STS: variants seen among roughly 807,000 people sequenced by gnomAD.
The protein encoded by STS is steroid sulfatase, also known as steryl-sulfatase.
STS carries 7 observed loss-of-function variants against 26.8 expected under a neutral mutation model. The observed-to-expected ratio is 0.26, with a 90% CI of 0.15 to 0.49. The LOEUF is 0.49. Ranked by LOEUF, STS falls within the 20% of genes least tolerant of loss-of-function variation. The pLI, the probability that STS is intolerant of heterozygous loss-of-function variation, is 0.98. For synonymous variants in STS, 199 were observed against 189.4 expected, an observed-to-expected ratio of 1.05 and a Z score of -0.42; for missense variants, 434 against 465.6, an observed-to-expected ratio of 0.93 and a Z score of 0.63.
At chrX:7,313,473 AT>A (rs1281390032) in intron 8 of STS, among the ~76,000 whole-genome samples, 3 of 112,275 alleles carry the variant, frequency 2.7e-5, no homozygotes, top group Non-Finnish European at 5.6e-5. Context: ...ACTCTGGTAG[AT>A]TATTACAAGG....
intron 1 of STS, among the ~76,000 whole-genome samples, chrX:7,188,377 A>G (rs1470876315): frequency 9.0e-6 from 1 of 111,532 alleles, no homozygotes; most frequent in African/African-American, 3.3e-5. Context: ...GCATTGTAAG[A>G]TATTTACCAG....
chrX:7,316,838 T>C (rs775413962), intron 8 of STS, among the ~76,000 whole-genome samples: 1 of 112,025 alleles, frequency 8.9e-6, no homozygotes, highest in Non-Finnish European at 1.9e-5. Context: ...CCGTGAATTA[T>C]CATCACACAC....
chrX:7,229,580 G>GT (rs1347442436), intron 2 of STS, among the ~76,000 whole-genome samples: 8 of 110,398 alleles, frequency 7.2e-5, no homozygotes, highest in Non-Finnish European at 9.5e-5. Flanking sequence ...CTCACTCTGA[G>GT]TTTTTTTTGC....
At chrX:7,308,486 A>G (rs1007543788) in intron 8 of STS, among the ~76,000 whole-genome samples, 1 of 111,625 alleles carries the variant, frequency 9.0e-6, no homozygotes, top group Non-Finnish European at 1.9e-5. Context: ...CAGATAGTTC[A>G]CCAGGGTTCA....
intron 6 of STS, among the ~76,000 whole-genome samples, chrX:7,274,627 C>G (rs918305232): frequency 1.3e-4 from 14 of 111,919 alleles, no homozygotes; most frequent in Non-Finnish European, 1.7e-4. Context: ...CAACATCGCT[C>G]ACAGCCCATT....
rs765077760 is a variant in STS, at chrX:7,353,304, A to G, written c.*3043A>G. 8.1e-5 allele frequency: 9 copies of G among 111,134 alleles called. No homozygotes were observed. Among genetic ancestry groups the G allele is most frequent in the African/African-American group, 2.9e-4 (9 of 30,622 alleles). The allele number at this position is 111,134 out of a possible 1,213,427, so 9.2% of individuals were successfully genotyped here. A position where few individuals can be genotyped will look rare whatever the true frequency, so the allele number is the denominator to read the frequency against. ...AAGGCCCGATTATTACCCATAAGGC[A>G]CACTCTCTAAGGCCTTTTAAGGGGC... On this transcript the variant is annotated 3_prime_UTR_variant, in exon 11 of 11. Coordinates refer to ENST00000674429, the MANE Select transcript of STS (RefSeq NM_001320752.2).
intron 1 of STS, among the ~76,000 whole-genome samples, chrX:7,151,056 T>C (rs1341019112): frequency 8.9e-6 from 1 of 112,601 alleles, no homozygotes; most frequent in Non-Finnish European, 1.9e-5. Context: ...ACATTATCAA[T>C]GGGACAAATA....
chrX:7,257,965 T>C (rs1190324815), intron 5 of STS, among the ~76,000 whole-genome samples: 2 of 110,485 alleles, frequency 1.8e-5, no homozygotes, highest in East Asian at 5.7e-4. Context: ...AATAGCTAGC[T>C]AGCTAGATAG....
intron 10 of STS, among the ~76,000 whole-genome samples, chrX:7,349,315 CCTTTTTTTTTTTTT>C (rs1928673676): frequency 2.5e-4 from 5 of 20,287 alleles, no homozygotes; most frequent in East Asian, 1.8e-3. Flanking sequence ...TCATTTAATT[CCTTTTTTTTTTTTT>C]TTTTTTTTTT....
chrX:7,271,954 T>C (rs1924294022), intron 6 of STS, among the ~76,000 whole-genome samples: 1 of 110,035 alleles, frequency 9.1e-6, no homozygotes, highest in Admixed American at 9.8e-5. Flanking sequence ...GTGCTAATTT[T>C]CTCTTTCAAA....
At chrX:7,204,091 G>GT (rs1390535591) in intron 2 of STS, among the ~76,000 whole-genome samples, 7 of 112,030 alleles carry the variant, frequency 6.2e-5, no homozygotes. Flanking sequence ...TGGACAGATT[G>GT]TTTTTCACAT....
chrX:7,217,840 T>C (rs1424609593), intron 2 of STS, among the ~76,000 whole-genome samples: 4 of 112,150 alleles, frequency 3.6e-5, no homozygotes, highest in African/African-American at 1.3e-4. Flanking sequence ...AAATATATTA[T>C]GTAAAAACAT....
At chrX:7,253,804 G>A (rs1186213020) in intron 3 of STS, among the ~76,000 whole-genome samples, 1 of 111,985 alleles carries the variant, frequency 8.9e-6, no homozygotes, top group Non-Finnish European at 1.9e-5. Flanking sequence ...CGTCAGCTAT[G>A]CAGGCTGTCT....
chrX:7,187,894 T>C (rs1271975833), intron 1 of STS, among the ~76,000 whole-genome samples: 1 of 111,677 alleles, frequency 9.0e-6, no homozygotes, highest in Non-Finnish European at 1.9e-5. Context: ...GAATTTCATT[T>C]GGAGGGGGCA....
intron 8 of STS, among the ~76,000 whole-genome samples, chrX:7,323,589 G>A (rs959187889): frequency 4.5e-5 from 5 of 111,866 alleles, no homozygotes; most frequent in Admixed American, 2.9e-4. Context: ...ATTCCATGAT[G>A]TATATGTGCC....
chrX:7,336,629 C>A (rs763123875), intron 10 of STS, among the ~76,000 whole-genome samples: 88 of 112,094 alleles, frequency 7.9e-4, no homozygotes, highest in Middle Eastern at 4.6e-3. Context: ...TAAGAATACT[C>A]CTTCTTTTTT....
rs1287033487 is a variant in STS at position 7,334,126 on chromosome X, C to T, written c.1363+19C>T. ...CAGAACAGTGAGTAAACAGACCTTT[C>T]CACGCTCCTCATGCTCCGTGCAACC... is the stretch of plus-strand genomic sequence containing the variant. On this transcript the variant is annotated intron_variant, in intron 10 of 10. Transcript: ENST00000674429. 1 of 1,211,245 alleles carries T rather than the reference C, an allele frequency of 8.3e-7. No homozygotes were observed. The highest frequency in any genetic ancestry group is 1.1e-6 in the Non-Finnish European group (1 of 895,090).
chrX:7,215,009 CG>C lies in STS; in HGVS notation c.-5+24002del, dbSNP rs1481970629. Reference sequence around the variant, plus strand: ...ATATATACGTATATATACATATATACGTATATATATATATTATATATGTATA... The same window carrying C: ...ATATATACGTATATATACATATATACTATATATATATATTATATATGTATA... On this transcript the variant is annotated intron_variant, in intron 2 of 10. Transcript: ENST00000674429. 2.0e-4 allele frequency among the ~76,000 whole-genome samples: 7 copies of C among 34,160 alleles called. No homozygotes were observed. In the East Asian group the frequency reaches 4.8e-3, roughly 23 times the overall value. The allele number at this position is 34,160 out of a possible 115,157, so 29.7% of individuals were successfully genotyped here.
intron 8 of STS, among the ~76,000 whole-genome samples, chrX:7,312,819 T>C (rs1250246169): frequency 4.5e-5 from 5 of 112,228 alleles, no homozygotes; most frequent in African/African-American, 1.6e-4. Context: ...TTCATAGAAG[T>C]ATGAAAATGG....
Sources: gnomAD v4.1 joint callset for allele counts (sites outside exome capture counted in the v4.1 genomes callset) on GRCh38, gnomAD v4.1.1 for gene constraint, MANE v1.5 for transcripts, NCBI Gene and HGNC (gene_info 2026-07-23, HGNC 2026-07-21) for gene names.